The following JAZF1 variants were observed in gnomAD, a reference collection of about 807,000 sequenced individuals.
JAZF1 encodes JAZF zinc finger 1, also known as juxtaposed with another zinc finger protein 1.
Under a neutral mutation model 26.4 loss-of-function variants are expected in JAZF1, and 8 were observed. The observed-to-expected ratio is 0.30, with a 90% CI of 0.18 to 0.55. JAZF1 has a LOEUF of 0.55. Among genes scored for constraint, JAZF1 ranks in the 20% least tolerant of loss-of-function variants. The pLI is 0.94. For missense variants in JAZF1, 199 were observed against 322.0 expected, an observed-to-expected ratio of 0.62 and a Z score of 2.92; for synonymous variants, 126 against 122.3, an observed-to-expected ratio of 1.03 and a Z score of -0.20.
At chr7:28,024,197 C>A (rs7811126) in intron 1 of JAZF1, among the ~76,000 whole-genome samples, 151,892 of 152,304 alleles carry the variant, frequency 1, 75,742 homozygotes, top group Middle Eastern at 1. Context: ...CAGGAGGTTG[C>A]GGCGGAAGGA....
intron 4 of JAZF1, among the ~76,000 whole-genome samples, chr7:27,839,815 C>T (rs1411691543): frequency 2.0e-5 from 3 of 152,070 alleles, no homozygotes; most frequent in Admixed American, 6.5e-5. Flanking sequence ...AATATAAGTG[C>T]TTATGCTATC....
At chr7:27,867,181 C>A (rs1783487777) in intron 3 of JAZF1, among the ~76,000 whole-genome samples, 1 of 151,940 alleles carries the variant, frequency 6.6e-6, no homozygotes, top group Admixed American at 6.6e-5. Context: ...AGAGAAAGCT[C>A]AAAAGGAGGG....
intron 3 of JAZF1, among the ~76,000 whole-genome samples, chr7:27,873,568 T>G (rs1783622026): frequency 6.6e-6 from 1 of 152,178 alleles, no homozygotes; most frequent in African/African-American, 2.4e-5. Context: ...GCACTCATTC[T>G]TGAAAACCTC....
rs1783620883 is a variant in JAZF1 at position 28,180,251 on chromosome 7, G to A, written c.115+212C>T. ...CCCGCCCGCCCGCCCGCGGCACCTC[G>A]GGGCGCCCGCCCCCTCCCCCACCCG... is the stretch of plus-strand genomic sequence containing the variant. On this transcript the variant is annotated intron_variant, in intron 1 of 4. Coordinates refer to ENST00000283928, the MANE Select transcript of JAZF1 (RefSeq NM_175061.4). The A allele has an allele frequency of 2.3e-4, 7 of 30,424 alleles. No homozygotes were observed. In the South Asian group the frequency reaches 6.3e-3, roughly 27 times the overall value. The allele number at this position is 30,424 out of a possible 1,614,324, so 1.9% of individuals were successfully genotyped here.
chr7:28,135,675 C>T (rs922997262), intron 1 of JAZF1, among the ~76,000 whole-genome samples: 1 of 152,192 alleles, frequency 6.6e-6, no homozygotes, highest in Admixed American at 6.5e-5. Context: ...GAGGCAATTA[C>T]TTTTTAAGTC....
At chr7:27,904,694 C>T (rs1408805149) in intron 2 of JAZF1, among the ~76,000 whole-genome samples, 2 of 151,834 alleles carry the variant, frequency 1.3e-5, no homozygotes, top group South Asian at 2.1e-4. Context: ...TTTTAACATG[C>T]TATTAAAATT....
At chr7:27,886,284 C>T (rs577165118) in intron 3 of JAZF1, among the ~76,000 whole-genome samples, 1 of 152,256 alleles carries the variant, frequency 6.6e-6, no homozygotes, top group African/African-American at 2.4e-5. Context: ...AGAATTGGAT[C>T]GAGACCCCTT....
rs569141901 is a variant in JAZF1, at chr7:27,969,864, G to T, written c.188+22045C>A. On this transcript the variant is annotated intron_variant, in intron 2 of 4. Coordinates refer to ENST00000283928, the MANE Select transcript of JAZF1 (RefSeq NM_175061.4). ...ATGCCTTGATTCCGTGCAGTATGGC[G>T]AGAAATCATCTAGCATCTTTTTACC... 2.8e-4 allele frequency among the ~76,000 whole-genome samples: 43 copies of T among 152,270 alleles called. 1 individual carries two copies. Among genetic ancestry groups the T allele is most frequent in the African/African-American group, 1.0e-3 (43 of 41,564 alleles).
At chr7:27,905,026 T>C (rs926483305) in intron 2 of JAZF1, among the ~76,000 whole-genome samples, 5 of 152,230 alleles carry the variant, frequency 3.3e-5, no homozygotes, top group African/African-American at 2.4e-5. Context: ...CTTGACCTCC[T>C]GGGCTCAAGT....
In JAZF1 at chr7:27,933,951, G is replaced by C. The variant is rs568878695; in HGVS notation, c.189-38535C>G. 4.6e-5 allele frequency among the ~76,000 whole-genome samples: 7 copies of C among 152,314 alleles called. No homozygotes were observed. In the East Asian group the frequency reaches 1.4e-3, roughly 29 times the overall value. On this transcript the variant is annotated intron_variant, in intron 2 of 4. Transcript: ENST00000283928. Reference sequence around the variant, plus strand: ...AATGAGATGTAAAAACTGTACACAGGTTTCTTAACAGAAGAGGCATTTTGC... The same window carrying C: ...AATGAGATGTAAAAACTGTACACAGCTTTCTTAACAGAAGAGGCATTTTGC...
intron 1 of JAZF1, among the ~76,000 whole-genome samples, chr7:27,992,743 T>C (rs1259993760): frequency 6.6e-6 from 1 of 152,232 alleles, no homozygotes; most frequent in Non-Finnish European, 1.5e-5. Flanking sequence ...TAAGGACATA[T>C]AAGGAAGAAA....
chr7:27,890,606 GT>G (rs1189164034), intron 3 of JAZF1, among the ~76,000 whole-genome samples: 3 of 152,154 alleles, frequency 2.0e-5, no homozygotes, highest in Non-Finnish European at 2.9e-5. Context: ...GATGTGTCAA[GT>G]TAACCTTAGT....
At chr7:27,867,373 C>T (rs556717040) in intron 3 of JAZF1, among the ~76,000 whole-genome samples, 6 of 152,278 alleles carry the variant, frequency 3.9e-5, no homozygotes, top group East Asian at 3.9e-4. Flanking sequence ...AGAATAATGT[C>T]GTGAGAGTCA....
chr7:27,896,894 A>G (rs1281254668), intron 2 of JAZF1, among the ~76,000 whole-genome samples: 2 of 152,218 alleles, frequency 1.3e-5, no homozygotes, highest in Admixed American at 6.5e-5. Context: ...GTGCTATAGG[A>G]TAGTGATGAT....
chr7:27,871,782 T>C (rs893378077), intron 3 of JAZF1, among the ~76,000 whole-genome samples: 1 of 152,186 alleles, frequency 6.6e-6, no homozygotes, highest in Non-Finnish European at 1.5e-5. Context: ...GGTTCTAGAA[T>C]TAGAAGCGTG....
At chr7:27,897,294 GT>G (rs1562522420) in intron 2 of JAZF1, among the ~76,000 whole-genome samples, 1 of 152,156 alleles carries the variant, frequency 6.6e-6, no homozygotes, top group Non-Finnish European at 1.5e-5. Flanking sequence ...AGAAAAAAAT[GT>G]TTACATCTTG....
At chr7:27,850,623 A>C (rs1783127206) in intron 3 of JAZF1, among the ~76,000 whole-genome samples, 1 of 152,216 alleles carries the variant, frequency 6.6e-6, no homozygotes, top group Non-Finnish European at 1.5e-5. Flanking sequence ...TTCAGACGGG[A>C]AGGAGGACCC....
At chr7:27,992,065 A>T in intron 1 of JAZF1, 84 bp from the exon 2 acceptor site, 1 of 838,512 alleles carries the variant, frequency 1.2e-6, no homozygotes. Flanking sequence ...ACAGAGGCTA[A>T]GCAGAGAAAA....
At chr7:28,154,642 T>A (rs964653) in intron 1 of JAZF1, among the ~76,000 whole-genome samples, 15,908 of 152,154 alleles carry the variant, frequency 0.1, 1,390 homozygotes, top group East Asian at 0.47. Flanking sequence ...TTTTTCTGCT[T>A]GATCTTATTA....
Sources: gnomAD v4.1 joint callset for allele counts (sites outside exome capture counted in the v4.1 genomes callset) on GRCh38, gnomAD v4.1.1 for gene constraint, MANE v1.5 for transcripts, NCBI Gene and HGNC (gene_info 2026-07-23, HGNC 2026-07-21) for gene names.